The following CTXND2 variants were observed in gnomAD, a reference collection of about 807,000 sequenced individuals.
CTXND2 encodes cortexin domain containing 2.
intron 1 of CTXND2, among the ~76,000 whole-genome samples, chr1:150,902,657 CTTT>C (rs1012894561): frequency 2.0e-5 from 3 of 151,914 alleles, no homozygotes; most frequent in Non-Finnish European, 4.4e-5. Context: ...GGTGATACTT[CTTT>C]GAGTGTAATT....
chr1:150,893,521 C>G (rs935463255), intron 1 of CTXND2, among the ~76,000 whole-genome samples: 1 of 152,132 alleles, frequency 6.6e-6, no homozygotes, highest in Non-Finnish European at 1.5e-5. Context: ...GACAGTGATG[C>G]TATCATGGTT....
chr1:150,900,522 CA>C (rs1668995184), intron 1 of CTXND2, among the ~76,000 whole-genome samples: 2 of 152,156 alleles, frequency 1.3e-5, no homozygotes, highest in South Asian at 4.1e-4. Context: ...CAATGGTAGG[CA>C]CCTGTAATCC....
At chr1:150,905,101 CACAA>C (rs1669114719) in intron 1 of CTXND2, among the ~76,000 whole-genome samples, 1 of 140,222 alleles carries the variant, frequency 7.1e-6, no homozygotes, top group African/African-American at 2.7e-5. Flanking sequence ...CACACACACA[CACAA>C]ATCACCCTTC....
intron 1 of CTXND2, among the ~76,000 whole-genome samples, chr1:150,901,342 G>A (rs1669026765): frequency 6.6e-6 from 1 of 152,120 alleles, no homozygotes; most frequent in Non-Finnish European, 1.5e-5. Context: ...ATAGATAGAA[G>A]ACACACAATC....
chr1:150,910,314 G>A (rs142778486), intron 1 of CTXND2, among the ~76,000 whole-genome samples: 1 of 140,818 alleles, frequency 7.1e-6, no homozygotes, highest in African/African-American at 2.5e-5. Flanking sequence ...ATTTTTAGTA[G>A]ACATGGGGTT....
At chr1:150,887,684 T>G (rs139879692) in intron 1 of CTXND2, among the ~76,000 whole-genome samples, 215 of 152,198 alleles carry the variant, frequency 1.4e-3, no homozygotes, top group Non-Finnish European at 2.3e-3. Context: ...TGTCTTTGAT[T>G]TTAAGGATTA....
chr1:150,895,722 C>G (rs1668907683), intron 1 of CTXND2, among the ~76,000 whole-genome samples: 1 of 152,202 alleles, frequency 6.6e-6, no homozygotes, highest in Admixed American at 6.5e-5. Context: ...CAAATATTCC[C>G]TCTTCCACCC....
intron 1 of CTXND2, among the ~76,000 whole-genome samples, chr1:150,890,766 G>A (rs973625699): frequency 3.3e-5 from 5 of 152,090 alleles, no homozygotes; most frequent in South Asian, 2.1e-4. Context: ...GCACCCCAAA[G>A]TGCTGGGATT....
At chr1:150,896,225 A>G (rs1436338452) in intron 1 of CTXND2, among the ~76,000 whole-genome samples, 1 of 152,232 alleles carries the variant, frequency 6.6e-6, no homozygotes, top group Non-Finnish European at 1.5e-5. Context: ...TTAAATCAAC[A>G]TAGAAGAAAG....
At chr1:150,906,838 C>T (rs780540689) in intron 1 of CTXND2, among the ~76,000 whole-genome samples, 2 of 152,142 alleles carry the variant, frequency 1.3e-5, no homozygotes, top group Non-Finnish European at 2.9e-5. Context: ...TGATATCCAA[C>T]GTGAGTTTAG....
At chr1:150,912,139 G>A (rs1669267530) in intron 1 of CTXND2, 103 bp from the exon 2 acceptor site, 3 of 392,898 alleles carry the variant, frequency 7.6e-6, no homozygotes, top group Admixed American at 8.9e-5. Flanking sequence ...AAATCTTACT[G>A]ATATTTTTTC....
intron 1 of CTXND2, among the ~76,000 whole-genome samples, chr1:150,905,883 G>A (rs946526321): frequency 1.3e-4 from 20 of 151,840 alleles, no homozygotes; most frequent in Admixed American, 5.2e-4. Flanking sequence ...CCAGCTGCTC[G>A]GGAGGCTGAG....
At chr1:150,902,643 G>A (rs1410354082) in intron 1 of CTXND2, among the ~76,000 whole-genome samples, 1 of 152,110 alleles carries the variant, frequency 6.6e-6, no homozygotes, top group Non-Finnish European at 1.5e-5. Context: ...AATGGTCGGG[G>A]AGGGGTGATA....
At chr1:150,892,286 T>A (rs1478741535) in intron 1 of CTXND2, among the ~76,000 whole-genome samples, 1 of 152,172 alleles carries the variant, frequency 6.6e-6, no homozygotes, top group East Asian at 1.9e-4. Flanking sequence ...TTAAAATAAA[T>A]ATCCTATTTT....
chr1:150,902,572 C>G (rs191482340), intron 1 of CTXND2, among the ~76,000 whole-genome samples: 1 of 151,880 alleles, frequency 6.6e-6, no homozygotes, highest in East Asian at 1.9e-4. Context: ...GATTCATCAC[C>G]TATAGGAGGT....
chr1:150,887,296 G>A (rs1036094940), exon 1 of CTXND2: 1 of 152,152 alleles, frequency 6.6e-6, no homozygotes, highest in South Asian at 2.1e-4. Context: ...TGTAGCCTTG[G>A]ATATCCGCTC....
intron 1 of CTXND2, among the ~76,000 whole-genome samples, chr1:150,902,088 A>C (rs1669048147): frequency 6.6e-6 from 1 of 151,926 alleles, no homozygotes; most frequent in Non-Finnish European, 1.5e-5. Flanking sequence ...CAACATGGTG[A>C]AACTCCGTCT....
chr1:150,887,370 G>C (rs587725566), intron 1 of CTXND2, 57 bp downstream of exon 1: 12 of 152,144 alleles, frequency 7.9e-5, no homozygotes, highest in Non-Finnish European at 1.5e-4. Flanking sequence ...GAAATTCCAA[G>C]AATTCTTCTG....
intron 1 of CTXND2, among the ~76,000 whole-genome samples, chr1:150,908,634 A>G (rs1275737928): frequency 6.6e-6 from 1 of 151,608 alleles, no homozygotes; most frequent in African/African-American, 2.4e-5. Flanking sequence ...GTTTCGTTGT[A>G]ACTTTGGTTA....
Sources: allele counts gnomAD v4.1 joint callset (sites outside exome capture counted in the v4.1 genomes callset), GRCh38; gene constraint gnomAD v4.1.1; transcripts MANE v1.5; gene names NCBI Gene and HGNC (gene_info 2026-07-23, HGNC 2026-07-21).